SLC25A21: variants seen among roughly 807,000 people sequenced by gnomAD.
The protein encoded by SLC25A21 is mitochondrial 2-oxodicarboxylate carrier.
SLC25A21 carries 47 observed loss-of-function variants against 43.8 expected under a neutral mutation model. The ratio of observed to expected loss-of-function variants is 1.07; its 90% CI spans 0.85 to 1.37. The LOEUF (loss-of-function observed/expected upper bound fraction) is 1.37. Ranked by LOEUF, SLC25A21 falls within the 40% of genes most tolerant of loss-of-function variation. SLC25A21 has a pLI of 0.00. For missense variants in SLC25A21, 352 were observed against 350.2 expected (o/e 1.00, Z -0.04); for synonymous variants, 131 against 121.3 (o/e 1.08, Z -0.52).
intron 1 of SLC25A21, among the ~76,000 whole-genome samples, chr14:36,956,257 A>G (rs950613087): frequency 6.6e-6 from 1 of 152,206 alleles, no homozygotes; most frequent in African/African-American, 2.4e-5. Context: ...GCAGAGATGC[A>G]TAGTACACGC....
At chr14:36,993,754 C>A in intron 1 of SLC25A21, among the ~76,000 whole-genome samples, 1 of 151,966 alleles carries the variant, frequency 6.6e-6, no homozygotes, top group Non-Finnish European at 1.5e-5. Flanking sequence ...GAAAAAGAAC[C>A]CCAGAAAACT....
intron 4 of SLC25A21, 95 bp downstream of exon 4, chr14:36,734,412 T>TTA (rs3061575): frequency 0.41 from 338,756 of 833,820 alleles, 71,803 homozygotes; most frequent in African/African-American, 0.55. Flanking sequence ...TTTTAGTGCT[T>TTA]TATATATAAT....
chr14:36,685,520 T>A (rs1474140207), intron 7 of SLC25A21, among the ~76,000 whole-genome samples: 1 of 152,224 alleles, frequency 6.6e-6, no homozygotes, highest in East Asian at 1.9e-4. Context: ...CCTGTGACAT[T>A]CTGTGCATTA....
chr14:36,978,453 T>C (rs935204472), intron 1 of SLC25A21, among the ~76,000 whole-genome samples: 1 of 152,210 alleles, frequency 6.6e-6, no homozygotes, highest in Non-Finnish European at 1.5e-5. Flanking sequence ...AGGTACATGT[T>C]GCTAGGAAAA....
chr14:36,743,852 C>A (rs2064548), intron 3 of SLC25A21, among the ~76,000 whole-genome samples: 89,801 of 152,004 alleles, frequency 0.59, 28,558 homozygotes, highest in African/African-American at 0.84. Context: ...ATCAACATAC[C>A]AAAATCAGTA....
intron 1 of SLC25A21, among the ~76,000 whole-genome samples, chr14:37,040,373 GAGAAAGAAAGAAAGAAAGAAAGAAAGAA>G (rs767966979): frequency 9.6e-5 from 2 of 20,942 alleles, no homozygotes; most frequent in African/African-American, 9.0e-4. Flanking sequence ...GAGAGAGAGA[GAGAAAGAAAGAAAGAAAGAAAGAAAGAA>G]AGAAAGAAAG....
At chr14:36,776,238 CT>C (rs35856297) in intron 3 of SLC25A21, among the ~76,000 whole-genome samples, 5 of 89,896 alleles carry the variant, frequency 5.6e-5, no homozygotes, top group Admixed American at 3.1e-4. Flanking sequence ...TTCTTTCTTT[CT>C]TTTTTTTTTT....
At chr14:36,976,708 C>A (rs935655802) in intron 1 of SLC25A21, among the ~76,000 whole-genome samples, 4 of 152,182 alleles carry the variant, frequency 2.6e-5, no homozygotes, top group Admixed American at 6.5e-5. Context: ...AGTCACTTGC[C>A]AACCACTGGC....
intron 6 of SLC25A21, among the ~76,000 whole-genome samples, chr14:36,720,210 T>C (rs1269185247): frequency 6.6e-6 from 1 of 152,230 alleles, no homozygotes; most frequent in Non-Finnish European, 1.5e-5. Context: ...CTTTCAGTAT[T>C]ATATTAAGTG....
At chr14:36,736,653 A>ATTT (rs1885053661) in intron 3 of SLC25A21, among the ~76,000 whole-genome samples, 1 of 152,206 alleles carries the variant, frequency 6.6e-6, no homozygotes, top group African/African-American at 2.4e-5. Context: ...AAACACTTAA[A>ATTT]TAAGTAAAGC....
At chr14:36,935,148 C>A (rs1238107992) in intron 1 of SLC25A21, among the ~76,000 whole-genome samples, 1 of 152,132 alleles carries the variant, frequency 6.6e-6, no homozygotes, top group Non-Finnish European at 1.5e-5. Flanking sequence ...GATCCTAAAA[C>A]CCTGGCTGGT....
At chr14:36,928,225 G>C (rs1892186358) in intron 1 of SLC25A21, among the ~76,000 whole-genome samples, 1 of 152,086 alleles carries the variant, frequency 6.6e-6, no homozygotes, top group Non-Finnish European at 1.5e-5. Context: ...TGTCTTGCAA[G>C]AGTCACAGCA....
At chr14:36,965,610 T>C (rs1417616593) in intron 1 of SLC25A21, among the ~76,000 whole-genome samples, 1 of 152,182 alleles carries the variant, frequency 6.6e-6, no homozygotes, top group African/African-American at 2.4e-5. Flanking sequence ...ACTATAGCAT[T>C]CTTATTAATT....
At chr14:37,144,310 T>C (rs1441451251) in intron 1 of SLC25A21, among the ~76,000 whole-genome samples, 1 of 152,208 alleles carries the variant, frequency 6.6e-6, no homozygotes, top group Non-Finnish European at 1.5e-5. Flanking sequence ...ATTGATCAAA[T>C]TTGTTTCAAA....
intron 3 of SLC25A21, among the ~76,000 whole-genome samples, chr14:36,810,271 A>G (rs1888192139): frequency 6.6e-6 from 1 of 152,166 alleles, no homozygotes; most frequent in Non-Finnish European, 1.5e-5. Flanking sequence ...TATGTTTGTT[A>G]TATTATTTGA....
intron 4 of SLC25A21, among the ~76,000 whole-genome samples, chr14:36,730,344 C>G (rs1441707397): frequency 6.6e-6 from 1 of 152,174 alleles, no homozygotes; most frequent in African/African-American, 2.4e-5. Flanking sequence ...TGAGCAACAA[C>G]TGTGCTTGAA....
chr14:36,980,552 T>C (rs1959996684), intron 1 of SLC25A21, among the ~76,000 whole-genome samples: 1 of 152,244 alleles, frequency 6.6e-6, no homozygotes, highest in South Asian at 2.1e-4. Context: ...CTGAAGCTTG[T>C]GCAAGTGTCA....
intron 7 of SLC25A21, among the ~76,000 whole-genome samples, chr14:36,692,650 C>G (rs1236394876): frequency 1.3e-5 from 2 of 152,030 alleles, no homozygotes; most frequent in Non-Finnish European, 2.9e-5. Context: ...CAGCGATATG[C>G]CAGAAGAAGG....
chr14:37,001,317 GT>G (rs1182639795), intron 1 of SLC25A21, among the ~76,000 whole-genome samples: 14 of 152,238 alleles, frequency 9.2e-5, no homozygotes, highest in African/African-American at 3.4e-4. Flanking sequence ...TAAATGCATT[GT>G]TTCATGGGAT....
Sources: allele counts gnomAD v4.1 joint callset (sites outside exome capture counted in the v4.1 genomes callset), GRCh38; gene constraint gnomAD v4.1.1; transcripts MANE v1.5; gene names NCBI Gene and HGNC (gene_info 2026-07-23, HGNC 2026-07-21).